Variants in RASA1 observed in about 807,000 individuals in gnomAD.
RASA1 encodes RAS p21 protein activator 1.
RASA1 carries 25 observed loss-of-function variants against 132.2 expected under a neutral mutation model. The observed-to-expected ratio is 0.19, with a 90% confidence interval of 0.14 to 0.26. The LOEUF is 0.26. Among genes scored for constraint, RASA1 ranks in the 10% least tolerant of loss-of-function variants. The pLI is 1.00. For synonymous variants in RASA1, 477 were observed against 449.9 expected, an observed-to-expected ratio of 1.06 and a Z score of -0.76; for missense variants, 964 against 1,299.2, an observed-to-expected ratio of 0.74 and a Z score of 3.97.
intron 1 of RASA1, among the ~76,000 whole-genome samples, chr5:87,293,823 A>G (rs1408234019): frequency 6.6e-6 from 1 of 151,982 alleles, no homozygotes; most frequent in Non-Finnish European, 1.5e-5. Context: ...TAGTTGCTCC[A>G]TTTCATTTAG....
intron 1 of RASA1, among the ~76,000 whole-genome samples, chr5:87,324,949 A>AT (rs1018834243): frequency 1.3e-5 from 2 of 151,920 alleles, no homozygotes; most frequent in African/African-American, 2.4e-5. Flanking sequence ...TGCTTTTTTA[A>AT]TTTTTTTATT....
intron 1 of RASA1, among the ~76,000 whole-genome samples, chr5:87,310,653 T>C (rs1442058541): frequency 2.0e-5 from 3 of 152,292 alleles, no homozygotes; most frequent in African/African-American, 4.8e-5. Context: ...CTGGTATTGA[T>C]AGTCTCTTCT....
chr5:87,294,915 G>T (rs1454554301), intron 1 of RASA1, among the ~76,000 whole-genome samples: 1 of 152,138 alleles, frequency 6.6e-6, no homozygotes, highest in East Asian at 1.9e-4. Flanking sequence ...TTTATTGCTG[G>T]CTGGATCTGC....
At chr5:87,275,287 A>G (rs1754015603) in intron 1 of RASA1, among the ~76,000 whole-genome samples, 1 of 152,214 alleles carries the variant, frequency 6.6e-6, no homozygotes, top group East Asian at 1.9e-4. Context: ...AAACAGGAAC[A>G]GTTCTAATTG....
rs768653853 is a variant in RASA1, at chr5:87,349,256, C to A, written c.1145C>A (p.Thr382Asn). The change falls in exon 8 of 25, where the codon ACT (threonine) becomes AAT (asparagine). Residue 382 changes from threonine to asparagine, a missense_variant. By Grantham distance (65) the Thr-to-Asn change is moderately conservative. Transcript: ENST00000274376. ...CSFLVRPSDNTPGDYSLYFRT... is the reference protein window; with the variant it reads ...CSFLVRPSDNNPGDYSLYFRT... ...TTTCTTGTGAGGCCCTCAGATAATA[C>A]TCCTGGCGATTATTCACTTTATTTC... 1 of 1,612,112 alleles carries A rather than the reference C, an allele frequency of 6.2e-7. No individual in the cohort carries two copies. Among genetic ancestry groups the A allele is most frequent in the Non-Finnish European group, 8.5e-7 (1 of 1,178,696 alleles).
intron 3 of RASA1, 144 bp downstream of exon 3, chr5:87,332,786 C>A: frequency 5.0e-6 from 4 of 803,416 alleles, no homozygotes; most frequent in South Asian, 4.2e-5. Context: ...AATGTCAGAA[C>A]AAAATGGACA....
chr5:87,275,408 T>C (rs1038006813), intron 1 of RASA1, among the ~76,000 whole-genome samples: 2 of 152,202 alleles, frequency 1.3e-5, no homozygotes, highest in Non-Finnish European at 2.9e-5. Flanking sequence ...TGTATGGCTT[T>C]ATGGTGACTT....
intron 5 of RASA1, among the ~76,000 whole-genome samples, chr5:87,340,612 A>G (rs1403031101): frequency 6.6e-6 from 1 of 152,170 alleles, no homozygotes; most frequent in Non-Finnish European, 1.5e-5. Context: ...AGAATAAAAT[A>G]AAGTTCAAAA....
chr5:87,371,671 G>C (rs1344216153), intron 12 of RASA1, among the ~76,000 whole-genome samples: 1 of 151,994 alleles, frequency 6.6e-6, no homozygotes, highest in Non-Finnish European at 1.5e-5. Context: ...CATGGGATCG[G>C]TCATCACATT....
At chr5:87,314,033 G>C (rs1383119318) in intron 1 of RASA1, among the ~76,000 whole-genome samples, 1 of 152,066 alleles carries the variant, frequency 6.6e-6, no homozygotes, top group East Asian at 1.9e-4. Flanking sequence ...GCCAGGCGTG[G>C]TGGCACATGC....
At chr5:87,338,992 C>G (rs2112391520) in intron 5 of RASA1, among the ~76,000 whole-genome samples, 1 of 152,228 alleles carries the variant, frequency 6.6e-6, no homozygotes, top group East Asian at 1.9e-4. Context: ...AGACAATACT[C>G]AGTATCAAAT....
chr5:87,268,639 G>T lies in RASA1; in HGVS notation c.188G>T (p.Gly63Val), dbSNP rs754945616. ...ACCGGAGTGGCTGGAACTCTGGGTG[G>T]CGGAGCCGCTTTGGGGTCAGAGTTC... is the stretch of plus-strand genomic sequence containing the variant. ...VETGVAGTLG[G>V]GAALGSEFLG... Residue 63 changes from glycine (G) to valine (V), a missense_variant, in exon 1 of 25, where the codon GGC becomes GTC. Gly to Val is a moderately radical substitution (Grantham distance 109). Around this residue, in one of 6 missense-constraint regions of RASA1, gnomAD observed 326 missense variants for 275.8 expected, o/e 1.18. Transcript: ENST00000274376. 1.2e-6 allele frequency: 2 copies of T among 1,611,358 alleles called. No homozygotes were observed. The highest frequency in any genetic ancestry group is 1.1e-5 in the South Asian group (1 of 90,682).
At chr5:87,340,371 T>G (rs1283615055) in intron 5 of RASA1, among the ~76,000 whole-genome samples, 9 of 152,092 alleles carry the variant, frequency 5.9e-5, no homozygotes. Flanking sequence ...TACAAGAGAT[T>G]AACTCCTTTT....
intron 1 of RASA1, among the ~76,000 whole-genome samples, chr5:87,290,963 G>T (rs547088904): frequency 2.6e-5 from 4 of 152,260 alleles, no homozygotes; most frequent in African/African-American, 9.6e-5. Context: ...AATTTATTGG[G>T]ATAAATAACA....
chr5:87,333,407 A>T (rs1391475554), intron 4 of RASA1, 70 bp downstream of exon 4: 1 of 1,584,914 alleles, frequency 6.3e-7, no homozygotes, highest in East Asian at 2.3e-5. Context: ...TTACTCTTGG[A>T]CTAGGAAGCT....
At chr5:87,312,190 T>G (rs2112307392) in intron 1 of RASA1, among the ~76,000 whole-genome samples, 1 of 152,366 alleles carries the variant, frequency 6.6e-6, no homozygotes, top group East Asian at 1.9e-4. Flanking sequence ...TGTGGTCAGA[T>G]TCTACATTTC....
intron 1 of RASA1, among the ~76,000 whole-genome samples, chr5:87,274,169 G>T (rs537664233): frequency 3.2e-4 from 49 of 152,290 alleles, no homozygotes; most frequent in Admixed American, 7.8e-4. Flanking sequence ...CACCAGGTCT[G>T]CTTTGCCTTT....
intron 6 of RASA1, among the ~76,000 whole-genome samples, chr5:87,344,118 A>G (rs1397157029): frequency 6.6e-6 from 1 of 152,156 alleles, no homozygotes; most frequent in Non-Finnish European, 1.5e-5. Context: ...AGGTACAAAA[A>G]TACATCTAGA....
At chr5:87,385,950 T>G (rs1762033748) in intron 22 of RASA1, among the ~76,000 whole-genome samples, 1 of 152,072 alleles carries the variant, frequency 6.6e-6, no homozygotes, top group Non-Finnish European at 1.5e-5. Context: ...TTGCATACAT[T>G]TCCTTTCATA....
Sources: allele counts gnomAD v4.1 joint callset (sites outside exome capture counted in the v4.1 genomes callset), GRCh38; gene constraint gnomAD v4.1.1; regional missense constraint gnomAD v4.1.1; transcripts MANE v1.5; gene names NCBI Gene and HGNC (gene_info 2026-07-23, HGNC 2026-07-21).